The following POM121C variants were observed in gnomAD, a reference collection of about 807,000 sequenced individuals.
The protein encoded by POM121C is nuclear envelope pore membrane protein POM 121C.
Under a neutral mutation model 66.4 loss-of-function variants are expected in POM121C, and 20 were observed. The observed-to-expected ratio is 0.30, with a 90% CI of 0.21 to 0.44. POM121C has a LOEUF of 0.44. POM121C is among the 20% of genes least tolerant of loss of function. The probability of loss-of-function intolerance (pLI) is 1.00; values close to 1 mark genes in which losing one functional copy is unlikely to be tolerated. For missense variants in POM121C, 580 were observed against 1,225.7 expected (o/e 0.47, Z 7.87); for synonymous variants, 286 against 528.0 (o/e 0.54, Z 6.28).
intron 1 of POM121C, among the ~76,000 whole-genome samples, chr7:75,483,031 C>A (rs1554480360): frequency 6.6e-6 from 1 of 152,092 alleles, no homozygotes; most frequent in African/African-American, 2.4e-5. Context: ...GCAACCCGAA[C>A]AAAAAGACGA....
intron 7 of POM121C, among the ~76,000 whole-genome samples, chr7:75,428,504 T>C (rs1456618122): frequency 6.6e-6 from 1 of 152,170 alleles, no homozygotes; most frequent in Non-Finnish European, 1.5e-5. Flanking sequence ...TCCTAGCACT[T>C]TGGGAGACTG....
chr7:75,457,153 AT>A (rs1791253228), intron 3 of POM121C, among the ~76,000 whole-genome samples: 10 of 778 alleles, frequency 0.013, no homozygotes, highest in Admixed American at 0.026. Context: ...TCAATTAAAA[AT>A]AAATAAATAA....
At chr7:75,419,537 C>A (rs587737475) in intron 13 of POM121C, 95 bp from the exon 14 acceptor site, 20 of 1,441,948 alleles carry the variant, frequency 1.4e-5, no homozygotes, top group Middle Eastern at 2.5e-4. Flanking sequence ...GCACTTCCCA[C>A]GGGACCCTCA....
intron 3 of POM121C, 81 bp downstream of exon 3, chr7:75,474,623 G>C (rs767774605): frequency 3.9e-5 from 21 of 543,656 alleles, no homozygotes; most frequent in African/African-American, 7.7e-5. Flanking sequence ...TGAGGGTACC[G>C]AATACATATA....
At chr7:75,434,702 C>T (rs190922511) in intron 7 of POM121C, among the ~76,000 whole-genome samples, 95 of 151,764 alleles carry the variant, frequency 6.3e-4, no homozygotes, top group Admixed American at 2.0e-3. Flanking sequence ...CCTGCCTCAG[C>T]GTCCCGAGTA....
intron 7 of POM121C, among the ~76,000 whole-genome samples, chr7:75,433,269 A>G (rs1554472607): frequency 6.7e-6 from 1 of 148,994 alleles, no homozygotes; most frequent in Non-Finnish European, 1.5e-5. Flanking sequence ...AAGAATGTAC[A>G]GTAAAAATTT....
Position 75,424,066 on chromosome 7 carries a change from C to T in POM121C, c.1031G>A (p.Ser344Asn). The change falls in exon 12 of 15, where the codon AGC becomes AAC. Residue 344 changes from serine to asparagine, a missense_variant. By Grantham distance (46) the Ser-to-Asn change is conservative. Coordinates refer to ENST00000615331, the MANE Select transcript of POM121C (RefSeq NM_001099415.3). ...ESLKKMQTPP[S>N]LPPCPESAGA... ...CAGCTCACCTGGGCAGGGTGGCAGGCTCGGGGGAGTCTGCATCTTCTTCAA... is the reference window on the plus strand; with the variant it reads ...CAGCTCACCTGGGCAGGGTGGCAGGTTCGGGGGAGTCTGCATCTTCTTCAA... 3 of 1,611,652 alleles carry T rather than the reference C, an allele frequency of 1.9e-6. No individual in the cohort carries two copies. Among genetic ancestry groups the T allele is most frequent in the Non-Finnish European group, 2.5e-6 (3 of 1,179,714 alleles).
chr7:75,465,496 T>C (rs1474268429), intron 3 of POM121C, among the ~76,000 whole-genome samples: 1 of 150,710 alleles, frequency 6.6e-6, no homozygotes, highest in Non-Finnish European at 1.5e-5. Flanking sequence ...GGCTCACACC[T>C]GTAATCCCAG....
Position 75,437,596 on chromosome 7 carries a change from T to C in POM121C, c.399A>G (p.Thr133=). 2 of 1,613,966 alleles carry C rather than the reference T, an allele frequency of 1.2e-6. No individual in the cohort carries two copies. Among genetic ancestry groups the C allele is most frequent in the Non-Finnish European group, 8.5e-7 (1 of 1,179,860 alleles). The change falls in exon 7 of 15, where the codon ACA becomes ACG. Residue 133 remains threonine (T), a synonymous_variant. Coordinates refer to ENST00000615331, the MANE Select transcript of POM121C (RefSeq NM_001099415.3). ...RSRSSSMSSL[T]GAYTSGIPSS... ...TAGGGATGCCACTTGTGTAAGCGCC[T>C]GTCAAGGAGCTCATGGAAGAGCTTC... is the stretch of plus-strand genomic sequence containing the variant.
intron 3 of POM121C, among the ~76,000 whole-genome samples, chr7:75,453,414 C>A (rs1791094882): frequency 6.6e-6 from 1 of 150,946 alleles, no homozygotes; most frequent in African/African-American, 2.4e-5. Context: ...GAAACCCCAA[C>A]TCTGCTAAAA....
intron 6 of POM121C, among the ~76,000 whole-genome samples, chr7:75,438,066 C>T (rs1297284632): frequency 2.6e-5 from 4 of 152,024 alleles, no homozygotes; most frequent in African/African-American, 7.3e-5. Context: ...CAAAATGTCA[C>T]ATGCTTTAAA....
In POM121C at chr7:75,441,080, G is replaced by A. The variant is rs781917934; in HGVS notation, c.101C>T (p.Pro34Leu). The A allele has an allele frequency of 6.2e-7, 1 of 1,613,930 alleles. No individual in the cohort carries two copies. The highest frequency in any genetic ancestry group is 1.1e-5 in the South Asian group (1 of 91,072). Residue 34 changes from proline (P) to leucine (L), a missense_variant, in exon 5 of 15, where the codon CCA becomes CTA. Transcript: ENST00000615331. ...EQIISSTLSS[P>L]SSNAPDPCAK... ...ACATGGGTCTGGGGCATTACTTGAT[G>A]GTGACGACAGTGTTGAGCTGATTAT... is the stretch of plus-strand genomic sequence containing the variant.
At chr7:75,481,028 AAAATATATATATATATAT>A (rs1377596445) in intron 1 of POM121C, among the ~76,000 whole-genome samples, 33 of 116,370 alleles carry the variant, frequency 2.8e-4, no homozygotes, top group Non-Finnish European at 5.3e-4. Context: ...AATAGTTCAA[AAAATATATATATATATAT>A]AAATATATAT....
At chr7:75,423,353 C>T (rs1279019604) in intron 12 of POM121C, 150 bp from the exon 13 acceptor site, 10 of 751,160 alleles carry the variant, frequency 1.3e-5, no homozygotes, top group Admixed American at 2.9e-5. Flanking sequence ...CAGGCCTGTA[C>T]AGTAAATCAA....
intron 7 of POM121C, among the ~76,000 whole-genome samples, chr7:75,428,337 A>C (rs1243771481): frequency 6.6e-6 from 1 of 152,120 alleles, no homozygotes; most frequent in Non-Finnish European, 1.5e-5. Flanking sequence ...ATGGGGTTTC[A>C]CCATGTTGGC....
Position 75,416,933 on chromosome 7 carries a change from A to G in POM121C, c.*1863T>C. ...CCTCCCGCTGCCGTCCAGTGTGTGTACTGTACACATCCACACTCACTCTCA... is the reference window on the plus strand; with the variant it reads ...CCTCCCGCTGCCGTCCAGTGTGTGTGCTGTACACATCCACACTCACTCTCA... On this transcript the variant is annotated 3_prime_UTR_variant, in exon 15 of 15. Transcript: ENST00000615331. 7.0e-7 allele frequency: 1 copy of G among 1,421,486 alleles called. No homozygotes were observed. Among genetic ancestry groups the G allele is most frequent in the Non-Finnish European group, 9.2e-7 (1 of 1,091,990 alleles). The allele number at this position is 1,421,486 out of a possible 1,614,324, so 88.1% of individuals were successfully genotyped here. A position where few individuals can be genotyped will look rare whatever the true frequency, so the allele number is the denominator to read the frequency against.
intron 3 of POM121C, among the ~76,000 whole-genome samples, chr7:75,452,414 A>G (rs1309316475): frequency 9.9e-5 from 15 of 152,262 alleles, no homozygotes; most frequent in African/African-American, 3.4e-4. Flanking sequence ...AGGAGCCGAG[A>G]TCGCGCCACT....
intron 1 of POM121C, among the ~76,000 whole-genome samples, chr7:75,479,178 T>C (rs1792208885): frequency 6.6e-6 from 1 of 152,130 alleles, no homozygotes; most frequent in Non-Finnish European, 1.5e-5. Flanking sequence ...CATATAATAA[T>C]TCATCATCAA....
chr7:75,426,861 G>C (rs1305028481), intron 7 of POM121C, among the ~76,000 whole-genome samples: 1 of 128,926 alleles, frequency 7.8e-6, no homozygotes, highest in Non-Finnish European at 1.7e-5. Context: ...TGTGAAGAAA[G>C]ACCCCTGAAA....
Sources: allele counts gnomAD v4.1 joint callset (sites outside exome capture counted in the v4.1 genomes callset), GRCh38; gene constraint gnomAD v4.1.1; transcripts MANE v1.5; gene names NCBI Gene and HGNC (gene_info 2026-07-23, HGNC 2026-07-21).